AFF2: variants seen among roughly 807,000 people sequenced by gnomAD.
AFF2 encodes AF4/FMR2 family member 2.
A neutral mutation model predicts 76.9 loss-of-function variants in AFF2; 14 were observed. The ratio of observed to expected loss-of-function variants is 0.18; its 90% CI spans 0.12 to 0.28. The LOEUF (loss-of-function observed/expected upper bound fraction) is 0.28, where lower values mean the gene tolerates loss of function less well. Among genes scored for constraint, AFF2 ranks in the 10% least tolerant of loss-of-function variants. AFF2 has a pLI of 1.00. For missense variants in AFF2, 868 were observed against 1,001.1 expected, an observed-to-expected ratio of 0.87 and a Z score of 1.79; for synonymous variants, 398 against 366.7, an observed-to-expected ratio of 1.09 and a Z score of -0.98.
At chrX:148,753,174 A>G (rs1557266614) in intron 3 of AFF2, among the ~76,000 whole-genome samples, 1 of 110,922 alleles carries the variant, frequency 9.0e-6, no homozygotes, top group Non-Finnish European at 1.9e-5. Flanking sequence ...GAATCACTCA[A>G]CTCCACATTT....
chrX:148,745,960 C>T (rs1368968876), intron 3 of AFF2, among the ~76,000 whole-genome samples: 1 of 110,795 alleles, frequency 9.0e-6, no homozygotes, highest in African/African-American at 3.3e-5. Context: ...CCAGGCTGGT[C>T]TTGAACTCCT....
rs200955633 is a variant in AFF2 at position 148,927,482 on chromosome X, C to CT, written c.1397+23232dup. 3.8e-3 allele frequency among the ~76,000 whole-genome samples: 413 copies of CT among 109,770 alleles called. 2 individuals are homozygous for CT. The highest frequency in any genetic ancestry group is 0.013 in the African/African-American group (386 of 30,093). On this transcript the variant is annotated intron_variant, in intron 9 of 20. Coordinates refer to ENST00000370460, the MANE Select transcript of AFF2 (RefSeq NM_002025.4). Reference sequence around the variant, plus strand: ...ACAGTCCTCTCTTTCTTTTCCTTTCCTTTTTTTTCTGTCGTACATTCTCAC... The same window carrying CT: ...ACAGTCCTCTCTTTCTTTTCCTTTCCTTTTTTTTTCTGTCGTACATTCTCAC...
At chrX:148,614,738 TTTTCTTTCTTTCTTTCTTTCTTTC>T (rs563984440) in intron 1 of AFF2, among the ~76,000 whole-genome samples, 2 of 55,286 alleles carry the variant, frequency 3.6e-5, no homozygotes, top group Admixed American at 2.2e-4. Flanking sequence ...TCTTTCCTTC[TTTTCTTTCTTTCTTTCTTTCTTTC>T]TTTCTTTCTT....
intron 3 of AFF2, among the ~76,000 whole-genome samples, chrX:148,744,417 CACGCAGCAATATCA>C (rs1433399842): frequency 8.9e-6 from 1 of 112,169 alleles, no homozygotes; most frequent in African/African-American, 3.2e-5. Flanking sequence ...ATAATGTCAT[CACGCAGCAATATCA>C]ACTACTAATG....
intron 7 of AFF2, among the ~76,000 whole-genome samples, chrX:148,857,123 CTAATG>C (rs1357962280): frequency 1.8e-4 from 20 of 111,854 alleles, no homozygotes; most frequent in African/African-American, 6.5e-4. Context: ...AGAAGACACA[CTAATG>C]TAGAATACAC....
chrX:148,657,364 A>C (rs5980566), intron 2 of AFF2, among the ~76,000 whole-genome samples: 5 of 111,607 alleles, frequency 4.5e-5, no homozygotes, highest in African/African-American at 9.8e-5. Context: ...TTAGAAAAAG[A>C]CAAATTACTA....
intron 1 of AFF2, among the ~76,000 whole-genome samples, chrX:148,631,135 A>C (rs2053976263): frequency 8.9e-6 from 1 of 111,780 alleles, no homozygotes; most frequent in Non-Finnish European, 1.9e-5. Context: ...CAATGGGATG[A>C]TATTTTCCTC....
intron 3 of AFF2, among the ~76,000 whole-genome samples, chrX:148,776,219 A>G (rs1557268566): frequency 1.8e-5 from 2 of 112,134 alleles, no homozygotes; most frequent in East Asian, 2.8e-4. Flanking sequence ...ATAGTATTCC[A>G]TGGTGTATAT....
chrX:148,692,295 C>T (rs1458269937), intron 3 of AFF2, among the ~76,000 whole-genome samples: 6 of 111,958 alleles, frequency 5.4e-5, no homozygotes, highest in Middle Eastern at 4.2e-3. Flanking sequence ...AGGAATAATA[C>T]GTCTTAGCGT....
intron 3 of AFF2, among the ~76,000 whole-genome samples, chrX:148,671,144 G>A (rs1389696270): frequency 9.0e-6 from 1 of 111,268 alleles, no homozygotes; most frequent in Non-Finnish European, 1.9e-5. Context: ...CTTTCTTGGT[G>A]CACTTTGCTT....
intron 1 of AFF2, among the ~76,000 whole-genome samples, chrX:148,604,453 C>T (rs2053655551): frequency 8.9e-6 from 1 of 112,218 alleles, no homozygotes. Context: ...AGTGCAGTGG[C>T]ACGCTCATAG....
chrX:148,865,273 C>CCAGA (rs2070893109), intron 7 of AFF2, among the ~76,000 whole-genome samples: 1 of 112,436 alleles, frequency 8.9e-6, no homozygotes, highest in Non-Finnish European at 1.9e-5. Context: ...GATAAAATGG[C>CCAGA]TTTCCTAGTC....
chrX:148,786,603 A>G (rs1267709728), intron 3 of AFF2, among the ~76,000 whole-genome samples: 1 of 110,629 alleles, frequency 9.0e-6, no homozygotes, highest in Non-Finnish European at 1.9e-5. Flanking sequence ...TCTACATTTT[A>G]TAAGGCCACC....
In AFF2 at chrX:148,991,589, G is replaced by T. The variant is rs2072534582; in HGVS notation, c.*257G>T. ...ATTTCTCAGATTCCACCATCTTTTT[G>T]TGCTTTATGGAATGACAGTCCCTAC... is the stretch of plus-strand genomic sequence containing the variant. On this transcript the variant is annotated 3_prime_UTR_variant, in exon 21 of 21. Transcript: ENST00000370460. 4.5e-6 allele frequency: 1 copy of T among 223,333 alleles called. No individual in the cohort carries two copies. The allele number at this position is 223,333 out of a possible 1,213,427, so 18.4% of individuals were successfully genotyped here.
rs782756910 is a variant in AFF2, at chrX:148,966,910, G to T, written c.3034G>T (p.Ala1012Ser). 1.7e-6 allele frequency: 2 copies of T among 1,208,517 alleles called. No individual in the cohort carries two copies. ...CACCACTGTCACAGCTACTGCCACC[G>T]CCACGGCCACCACCACAACTACTAC... ...VTTTVTATAT[A>S]TATTTTTTTT... The change falls in exon 14 of 21, where the codon GCC becomes TCC. Residue 1012 changes from alanine to serine, a missense_variant. Physicochemically the swap from Ala to Ser is moderately conservative, Grantham distance 99. Around this residue, in one of 6 missense-constraint regions of AFF2, gnomAD observed 532 missense variants for 564.2 expected, o/e 0.94. Coordinates refer to ENST00000370460, the MANE Select transcript of AFF2 (RefSeq NM_002025.4).
At chrX:148,806,496 C>A (rs1351150052) in intron 3 of AFF2, among the ~76,000 whole-genome samples, 1 of 111,703 alleles carries the variant, frequency 9.0e-6, no homozygotes, top group African/African-American at 3.3e-5. Flanking sequence ...TAAATCAGAC[C>A]TCCTGTTTGG....
chrX:148,960,006 C>T (rs1557287841), intron 12 of AFF2, among the ~76,000 whole-genome samples: 1 of 112,329 alleles, frequency 8.9e-6, no homozygotes, highest in African/African-American at 3.2e-5. Context: ...GAGAGATGAC[C>T]AAGTATTACA....
intron 1 of AFF2, among the ~76,000 whole-genome samples, chrX:148,568,155 A>G (rs896293755): frequency 4.5e-5 from 5 of 111,641 alleles, no homozygotes; most frequent in Non-Finnish European, 9.4e-5. Context: ...AAAGGGGAGG[A>G]AAAAGATAAA....
chrX:148,859,622 A>C (rs1198962680), intron 7 of AFF2, among the ~76,000 whole-genome samples: 2 of 111,260 alleles, frequency 1.8e-5, no homozygotes, highest in Non-Finnish European at 3.8e-5. Context: ...ATGAATAAAA[A>C]TTAAGTTTTT....
Sources: allele counts gnomAD v4.1 joint callset (sites outside exome capture counted in the v4.1 genomes callset), GRCh38; gene constraint gnomAD v4.1.1; regional missense constraint gnomAD v4.1.1; transcripts MANE v1.5; gene names NCBI Gene and HGNC (gene_info 2026-07-23, HGNC 2026-07-21).